Variants in IMPG2 observed in about 807,000 individuals in gnomAD.
IMPG2 encodes the protein interphotoreceptor matrix proteoglycan 2.
A neutral mutation model predicts 129.2 loss-of-function variants in IMPG2; 91 were observed. That is an observed-to-expected ratio of 0.70 (90% confidence interval 0.59 to 0.84). The LOEUF is 0.84. Among genes scored for constraint, IMPG2 ranks in the 40% least tolerant of loss-of-function variants. The pLI is 0.00. For synonymous variants in IMPG2, 510 were observed against 517.7 expected (o/e 0.99, Z 0.20); for missense variants, 1,430 against 1,461.7 (o/e 0.98, Z 0.35).
intron 10 of IMPG2, among the ~76,000 whole-genome samples, chr3:101,257,307 T>C (rs1706621296): frequency 6.6e-6 from 1 of 152,136 alleles, no homozygotes; most frequent in South Asian, 2.1e-4. Flanking sequence ...TAACTGCCAC[T>C]TTCCACACTC....
At chr3:101,236,272 G>T (rs1706344748) in intron 14 of IMPG2, among the ~76,000 whole-genome samples, 1 of 152,158 alleles carries the variant, frequency 6.6e-6, no homozygotes, top group African/African-American at 2.4e-5. Context: ...ATAGATGCAG[G>T]TTTTATACTG....
intron 18 of IMPG2, 79 bp from the exon 19 acceptor site, chr3:101,227,060 T>C: frequency 7.5e-7 from 1 of 1,335,162 alleles, no homozygotes; most frequent in Non-Finnish European, 1.1e-6. Flanking sequence ...CATACATCAC[T>C]AAGCTATACT....
Position 101,304,153 on chromosome 3 carries a change from A to G in IMPG2, c.494T>C (p.Ile165Thr). ...FSESVEHRSL[I>T]MKKLTYAKET... is the part of the protein sequence containing the mutation. Reference sequence around the variant, plus strand: ...CTTTGTTGTGACACTTACCTTCATGATTAAGCTTCTATGTTCCACAGATTC... The same window carrying G: ...CTTTGTTGTGACACTTACCTTCATGGTTAAGCTTCTATGTTCCACAGATTC... The change falls in exon 3 of 19, where the codon ATC (isoleucine) becomes ACC (threonine). Residue 165 changes from isoleucine to threonine, a missense_variant. Ile to Thr is a moderately conservative substitution (Grantham distance 89). Transcript: ENST00000193391. The G allele has an allele frequency of 6.2e-7, 1 of 1,613,772 alleles. No homozygotes were observed. Among genetic ancestry groups the G allele is most frequent in the Middle Eastern group, 1.6e-4 (1 of 6,062 alleles).
chr3:101,268,217 G>A (rs1251567116), intron 8 of IMPG2, among the ~76,000 whole-genome samples: 1 of 152,108 alleles, frequency 6.6e-6, no homozygotes, highest in Non-Finnish European at 1.5e-5. Flanking sequence ...GTTAAATCCT[G>A]GAAATACACC....
At chr3:101,287,109 A>C (rs534449652) in intron 4 of IMPG2, among the ~76,000 whole-genome samples, 1 of 152,282 alleles carries the variant, frequency 6.6e-6, no homozygotes, top group East Asian at 1.9e-4. Flanking sequence ...GTTTTCAGGA[A>C]TATTGTGTTA....
chr3:101,233,986 T>G (rs923647917), intron 14 of IMPG2, among the ~76,000 whole-genome samples: 19 of 151,888 alleles, frequency 1.3e-4, no homozygotes, highest in African/African-American at 4.6e-4. Context: ...AAGACAATTT[T>G]GCACAAGTCT....
intron 3 of IMPG2, 98 bp downstream of exon 3, chr3:101,304,048 T>C: frequency 7.9e-7 from 1 of 1,262,200 alleles, no homozygotes; most frequent in Non-Finnish European, 1.2e-6. Flanking sequence ...AAAAGAGTAA[T>C]ACAGGCATTT....
chr3:101,254,342 A>C (rs1706576483), intron 10 of IMPG2, among the ~76,000 whole-genome samples: 1 of 152,154 alleles, frequency 6.6e-6, no homozygotes, highest in South Asian at 2.1e-4. Context: ...GGCTTTGCCA[A>C]AGTTGAGGCT....
At position 101,223,659 on chromosome 3, in the gene IMPG2, C is replaced by A. The variant is rs1283916053; in HGVS notation, c.*3310G>T. 6.6e-6 allele frequency: 1 copy of A among 152,140 alleles called. No individual in the cohort carries two copies. The highest frequency in any genetic ancestry group is 1.5e-5 in the Non-Finnish European group (1 of 68,018). The allele number at this position is 152,140 out of a possible 1,614,324, so 9.4% of individuals were successfully genotyped here. On this transcript the variant is annotated 3_prime_UTR_variant, in exon 19 of 19. Coordinates refer to ENST00000193391, the MANE Select transcript of IMPG2 (RefSeq NM_016247.4). Reference sequence around the variant, plus strand: ...CAAAGAATATTTGTGCAGTTTCCAGCTTTTTGTTAGAGGTAATATTAAGTC... The same window carrying A: ...CAAAGAATATTTGTGCAGTTTCCAGATTTTTGTTAGAGGTAATATTAAGTC...
intron 11 of IMPG2, among the ~76,000 whole-genome samples, chr3:101,248,196 G>A (rs942571660): frequency 6.6e-6 from 1 of 152,168 alleles, no homozygotes; most frequent in Non-Finnish European, 1.5e-5. Context: ...GACCTGGTGG[G>A]AGGGGATTGA....
At chr3:101,310,965 A>G (rs1006273710) in intron 2 of IMPG2, among the ~76,000 whole-genome samples, 5 of 152,202 alleles carry the variant, frequency 3.3e-5, no homozygotes, top group African/African-American at 1.2e-4. Flanking sequence ...CATTCTTTTA[A>G]GTTACATTTA....
intron 4 of IMPG2, among the ~76,000 whole-genome samples, chr3:101,289,568 A>AT (rs1240991850): frequency 1.3e-5 from 2 of 152,172 alleles, no homozygotes; most frequent in Non-Finnish European, 2.9e-5. Flanking sequence ...GGGTACTCTA[A>AT]AAAACTATGG....
rs6147980 is a variant in IMPG2 at position 101,225,411 on chromosome 3, ACACGCACACACACATT to A, written c.*1542_*1557del. 120,744 of 151,620 alleles carry A rather than the reference ACACGCACACACACATT, an allele frequency of 0.8. 47,974 individuals carry two copies. The highest frequency in any genetic ancestry group is 0.83 in the Admixed American group (12,576 of 15,232). The allele number at this position is 151,620 out of a possible 1,614,324, so 9.4% of individuals were successfully genotyped here. On this transcript the variant is annotated 3_prime_UTR_variant, in exon 19 of 19. Transcript: ENST00000193391. Reference sequence around the variant, plus strand: ...TTAGCGCGCACACGCACACACACATACACGCACACACACATTCACACATACACACACACAACCTGTT... The same window carrying A: ...TTAGCGCGCACACGCACACACACATACACACATACACACACACAACCTGTT...
At chr3:101,296,322 C>G (rs1559656271) in intron 3 of IMPG2, among the ~76,000 whole-genome samples, 1 of 152,138 alleles carries the variant, frequency 6.6e-6, no homozygotes, top group Non-Finnish European at 1.5e-5. Flanking sequence ...TTGAGATGAT[C>G]ATGTGGTTTT....
chr3:101,276,797 G>C (rs1420853818), intron 4 of IMPG2, 84 bp from the exon 5 acceptor site: 7 of 1,025,038 alleles, frequency 6.8e-6, no homozygotes, highest in Non-Finnish European at 1.1e-5. Flanking sequence ...TTTCCAAAAA[G>C]GAAAGCACTA....
At chr3:101,249,395 C>A (rs546061252) in intron 11 of IMPG2, among the ~76,000 whole-genome samples, 2 of 151,650 alleles carry the variant, frequency 1.3e-5, no homozygotes, top group African/African-American at 2.4e-5. Context: ...AAATGCCCAG[C>A]AAATAAGGAA....
chr3:101,288,991 G>A lies in IMPG2; in HGVS notation c.533+2488C>T, dbSNP rs946374309. ...CATATTAAGATTATACTACATACACGCTTGGTGCTAGTTAATGTAGAGCTT... is the reference window on the plus strand; with the variant it reads ...CATATTAAGATTATACTACATACACACTTGGTGCTAGTTAATGTAGAGCTT... On this transcript the variant is annotated intron_variant, in intron 4 of 18. Transcript: ENST00000193391. Among the ~76,000 whole-genome samples the A allele has an allele frequency of 5.3e-5, 8 of 152,176 alleles. No individual in the cohort carries two copies. In the East Asian group the frequency reaches 1.5e-3, roughly 29 times the overall value.
At chr3:101,242,978 CAAAACA>C in intron 13 of IMPG2, 71 bp from the exon 14 acceptor site, 1 of 1,265,474 alleles carries the variant, frequency 7.9e-7, no homozygotes, top group Non-Finnish European at 1.2e-6. Flanking sequence ...CCAAACAAAA[CAAAACA>C]AAAACACAGG....
chr3:101,232,727 C>A, intron 15 of IMPG2, 54 bp downstream of exon 15: 1 of 1,506,512 alleles, frequency 6.6e-7, no homozygotes, highest in Non-Finnish European at 9.2e-7. Context: ...GGCCCCTTTT[C>A]TTTAGAGGAA....
Sources: allele counts gnomAD v4.1 joint callset (sites outside exome capture counted in the v4.1 genomes callset), GRCh38; gene constraint gnomAD v4.1.1; transcripts MANE v1.5; gene names NCBI Gene and HGNC (gene_info 2026-07-23, HGNC 2026-07-21).